The following ADAM22 variants were observed in gnomAD, a reference collection of about 807,000 sequenced individuals.
The protein encoded by ADAM22 is disintegrin and metalloproteinase domain-containing protein 22.
In ADAM22, 65 loss-of-function variants were observed where a neutral mutation model predicts 144.6. The ratio of observed to expected loss-of-function variants is 0.45; its 90% confidence interval spans 0.37 to 0.55. ADAM22 has a LOEUF of 0.55. ADAM22 is among the 20% of genes least tolerant of loss of function. The pLI is 0.00. For missense variants in ADAM22, 974 were observed against 1,184.9 expected, an observed-to-expected ratio of 0.82 and a Z score of 2.61; for synonymous variants, 391 against 412.6, an observed-to-expected ratio of 0.95 and a Z score of 0.63.
chr7:88,179,300 G>A (rs1417121121), intron 27 of ADAM22, among the ~76,000 whole-genome samples, 171 bp downstream of exon 27: 1 of 151,868 alleles, frequency 6.6e-6, no homozygotes, highest in East Asian at 1.9e-4. Context: ...AGAAACCTCA[G>A]GGTTTTTCAG....
intron 2 of ADAM22, among the ~76,000 whole-genome samples, chr7:87,954,744 A>G (rs1001862619): frequency 3.9e-5 from 6 of 152,188 alleles, no homozygotes; most frequent in Non-Finnish European, 8.8e-5. Context: ...GTGTTTTCCA[A>G]CTTGGTTCCA....
At chr7:88,119,026 T>C (rs1328847212) in intron 7 of ADAM22, among the ~76,000 whole-genome samples, 4 of 152,220 alleles carry the variant, frequency 2.6e-5, no homozygotes, top group Non-Finnish European at 5.9e-5. Context: ...CATCTTGTTA[T>C]GTTTTATATA....
Position 88,131,403 on chromosome 7 carries a change from C to T in ADAM22, c.960C>T (p.Ile320=), listed in dbSNP as rs1374810394. 1 of 1,613,778 alleles carries T rather than the reference C, an allele frequency of 6.2e-7. No homozygotes were observed. The highest frequency in any genetic ancestry group is 2.2e-5 in the East Asian group (1 of 44,852). Residue 320 remains isoleucine, a synonymous_variant, in exon 11 of 32, where the codon ATC becomes ATT. Coordinates refer to ENST00000413139, the MANE Select transcript of ADAM22 (RefSeq NM_001324418.2). ...REFMKYRRDF[I]KEKSDAVHLF... Reference sequence around the variant, plus strand: ...TTATGAAATACAGGAGGGATTTTATCAAAGAGAAAAGTGATGCAGTTCACC... The same window carrying T: ...TTATGAAATACAGGAGGGATTTTATTAAAGAGAAAAGTGATGCAGTTCACC...
Position 88,131,782 on chromosome 7 carries a change from T to C in ADAM22, c.992+347T>C, listed in dbSNP as rs554070816. On this transcript the variant is annotated intron_variant, in intron 11 of 31. Transcript: ENST00000413139. ...TTTTAAATGTTAATGTTTTCTCTGTTTTTGGTTCTAAGATGAGAGCTTAGT... is the reference window on the plus strand; with the variant it reads ...TTTTAAATGTTAATGTTTTCTCTGTCTTTGGTTCTAAGATGAGAGCTTAGT... 6 of 257,214 alleles carry C rather than the reference T, an allele frequency of 2.3e-5. No homozygotes were observed. The South Asian group carries it at 8.9e-4, about 38-fold the overall frequency. The allele number at this position is 257,214 out of a possible 1,614,324, so 15.9% of individuals were successfully genotyped here. A position where few individuals can be genotyped will look rare whatever the true frequency, so the allele number is the denominator to read the frequency against.
chr7:88,136,029 T>G lies in ADAM22; in HGVS notation c.1218T>G (p.Thr406=), dbSNP rs201002380. 1.9e-6 allele frequency: 3 copies of G among 1,611,906 alleles called. No homozygotes were observed. Among genetic ancestry groups the G allele is most frequent in the Non-Finnish European group, 2.5e-6 (3 of 1,178,818 alleles). Residue 406 remains threonine, a splice_region_variant and synonymous_variant, in exon 14 of 32, where the codon ACT becomes ACG. Coordinates refer to ENST00000413139, the MANE Select transcript of ADAM22 (RefSeq NM_001324418.2). ...DTWSGCIMGD[T]GYYLPKKFTQ... Reference sequence around the variant, plus strand: ...GGTCCGGGTGCATAATGGGAGACACTGGGTGAGCCACTTGTATTTGAAAAT... The same window carrying G: ...GGTCCGGGTGCATAATGGGAGACACGGGGTGAGCCACTTGTATTTGAAAAT...
At chr7:88,131,196 T>C in intron 10 of ADAM22, 73 bp from the exon 11 acceptor site, 1 of 1,322,332 alleles carries the variant, frequency 7.6e-7, no homozygotes, top group Non-Finnish European at 1.0e-6. Flanking sequence ...GAAAGGAGTT[T>C]TGTAGTCCTG....
chr7:87,956,456 A>G (rs561322802), intron 2 of ADAM22, among the ~76,000 whole-genome samples: 40 of 152,264 alleles, frequency 2.6e-4, no homozygotes, highest in Non-Finnish European at 4.3e-4. Context: ...TTATTGAGAT[A>G]TAATTCACAC....
chr7:88,001,210 CA>C (rs1172284312), intron 3 of ADAM22, among the ~76,000 whole-genome samples: 1 of 152,146 alleles, frequency 6.6e-6, no homozygotes, highest in African/African-American at 2.4e-5. Context: ...TAAATTTTTT[CA>C]GATTTTGGAA....
At chr7:87,981,751 A>G (rs1035686336) in intron 3 of ADAM22, among the ~76,000 whole-genome samples, 2 of 152,074 alleles carry the variant, frequency 1.3e-5, no homozygotes. Flanking sequence ...TCTGAATTCA[A>G]TTGGAATTGA....
At chr7:88,074,610 A>G (rs745896536) in intron 3 of ADAM22, among the ~76,000 whole-genome samples, 49 of 152,236 alleles carry the variant, frequency 3.2e-4, no homozygotes, top group Non-Finnish European at 5.9e-4. Context: ...TGATTCTAAC[A>G]TAAAGTCAGT....
chr7:88,010,529 G>A (rs1795116387), intron 3 of ADAM22, among the ~76,000 whole-genome samples: 1 of 151,942 alleles, frequency 6.6e-6, no homozygotes, highest in Admixed American at 6.6e-5. Flanking sequence ...CCTGAAAAAG[G>A]CCTTTTTCTT....
Position 88,165,869 on chromosome 7 carries a change from A to G in ADAM22, c.2114A>G (p.His705Arg). 1 of 1,611,646 alleles carries G rather than the reference A, an allele frequency of 6.2e-7. No homozygotes were observed. The highest frequency in any genetic ancestry group is 8.5e-7 in the Non-Finnish European group (1 of 1,178,796). ...SNELKCVCNR[H>R]WIGSDCNTYF... ...GAGCTGAAGTGTGTGTGTAACAGAC[A>G]CTGGATAGGTTCTGATTGCAACACT... Residue 705 changes from histidine to arginine, a missense_variant, in exon 24 of 32, where the codon CAC becomes CGC. Around this residue, in one of 2 missense-constraint regions of ADAM22, gnomAD observed 734 missense variants for 950.6 expected, o/e 0.77. Transcript: ENST00000413139.
At chr7:87,974,187 C>T (rs956366333) in intron 2 of ADAM22, among the ~76,000 whole-genome samples, 1 of 150,470 alleles carries the variant, frequency 6.6e-6, no homozygotes, top group Non-Finnish European at 1.5e-5. Context: ...GTCTGTAGTC[C>T]CAGCTGCTCG....
intron 19 of ADAM22, 104 bp downstream of exon 19, chr7:88,151,135 T>C: frequency 6.6e-7 from 1 of 1,521,352 alleles, no homozygotes; most frequent in Non-Finnish European, 9.1e-7. Flanking sequence ...TTGTAATCAA[T>C]TCTGAAGATA....
chr7:87,994,165 CTT>C (rs1163356524), intron 3 of ADAM22, among the ~76,000 whole-genome samples: 12 of 143,318 alleles, frequency 8.4e-5, no homozygotes, highest in Non-Finnish European at 6.1e-5. Flanking sequence ...ACTGTCATTC[CTT>C]TTTTTTTTTT....
At chr7:88,127,882 C>T (rs553731645) in intron 8 of ADAM22, among the ~76,000 whole-genome samples, 41 of 152,090 alleles carry the variant, frequency 2.7e-4, no homozygotes, top group African/African-American at 9.6e-4. Context: ...GCCTTAGTGG[C>T]TTTTCCTTAG....
intron 4 of ADAM22, among the ~76,000 whole-genome samples, chr7:88,080,679 C>T (rs890595579): frequency 2.1e-4 from 32 of 152,088 alleles, no homozygotes; most frequent in Middle Eastern, 3.4e-3. Context: ...TCCACCGATC[C>T]CACAGAAATA....
At chr7:88,049,218 C>CT (rs1199548975) in intron 3 of ADAM22, among the ~76,000 whole-genome samples, 3 of 152,312 alleles carry the variant, frequency 2.0e-5, no homozygotes, top group South Asian at 2.1e-4. Context: ...CCTAACATCT[C>CT]TGAGTCTCAC....
chr7:87,935,173 T>C lies in ADAM22; in HGVS notation c.233T>C (p.Leu78Pro), dbSNP rs2131148622. Residue 78 changes from leucine to proline, a missense_variant, in exon 2 of 32, where the codon CTC (leucine) becomes CCC (proline). By Grantham distance (98) the Leu-to-Pro change is moderately conservative. Coordinates refer to ENST00000413139, the MANE Select transcript of ADAM22 (RefSeq NM_001324418.2). ...CTCGACACGCGGGTGCGGGGCGACCTCGGTGGCCCGCAGGTGAGAGGCTCG... is the reference window on the plus strand; with the variant it reads ...CTCGACACGCGGGTGCGGGGCGACCCCGGTGGCCCGCAGGTGAGAGGCTCG... ...DALDTRVRGD[L>P]GGPQLTHVDQ... The C allele has an allele frequency of 6.2e-7, 1 of 1,607,188 alleles. No homozygotes were observed. The highest frequency in any genetic ancestry group is 8.5e-7 in the Non-Finnish European group (1 of 1,176,550).
Sources: gnomAD v4.1 joint callset for allele counts (sites outside exome capture counted in the v4.1 genomes callset) on GRCh38, gnomAD v4.1.1 for gene constraint, gnomAD v4.1.1 regional missense constraint, MANE v1.5 for transcripts, NCBI Gene and HGNC (gene_info 2026-07-23, HGNC 2026-07-21) for gene names.